Variants in CRIM1 observed in about 807,000 individuals in gnomAD.
CRIM1 encodes cysteine rich transmembrane BMP regulator 1, also known as cysteine-rich motor neuron 1 protein.
A neutral mutation model predicts 116.4 loss-of-function variants in CRIM1; 32 were observed. That is an observed-to-expected ratio of 0.27 (90% CI 0.21 to 0.37). The LOEUF is 0.37. Ranked by LOEUF, CRIM1 falls within the 10% of genes least tolerant of loss-of-function variation. The pLI is 1.00. For missense variants in CRIM1, 1,331 were observed against 1,354.8 expected (o/e 0.98, Z 0.28); for synonymous variants, 590 against 509.2 (o/e 1.16, Z -2.13).
At chr2:36,438,038 A>G (rs2124925510) in intron 2 of CRIM1, among the ~76,000 whole-genome samples, 2 of 152,086 alleles carry the variant, frequency 1.3e-5, no homozygotes, top group South Asian at 4.2e-4. Context: ...AGGCTGGGAC[A>G]GAAAAATTGC....
chr2:36,388,507 C>T (rs1278807106), intron 1 of CRIM1, among the ~76,000 whole-genome samples: 2 of 152,162 alleles, frequency 1.3e-5, no homozygotes, highest in Admixed American at 6.5e-5. Flanking sequence ...AAAGGGGCCT[C>T]ATGGATTATC....
At chr2:36,510,195 T>C (rs1664557291) in intron 9 of CRIM1, 56 bp downstream of exon 9, 6 of 1,526,508 alleles carry the variant, frequency 3.9e-6, no homozygotes, top group African/African-American at 1.4e-5. Context: ...GTGAAATGTT[T>C]CTACACATTT....
chr2:36,488,297 A>T (rs975473126), intron 7 of CRIM1, among the ~76,000 whole-genome samples: 1 of 152,180 alleles, frequency 6.6e-6, no homozygotes, highest in African/African-American at 2.4e-5. Flanking sequence ...CCATTAAAGA[A>T]CGCCTCTTGC....
At chr2:36,546,725 C>A (rs848603) in intron 15 of CRIM1, among the ~76,000 whole-genome samples, 54 of 149,244 alleles carry the variant, frequency 3.6e-4, no homozygotes, top group Admixed American at 6.0e-4. Context: ...TAGCTAGAGC[C>A]GGCATCATCT....
chr2:36,380,554 A>G (rs6758307), intron 1 of CRIM1, among the ~76,000 whole-genome samples: 2,261 of 152,302 alleles, frequency 0.015, 63 homozygotes, highest in African/African-American at 0.052. Context: ...CGCAGAGTCT[A>G]CAGAGTTAAA....
intron 2 of CRIM1, among the ~76,000 whole-genome samples, chr2:36,422,410 C>A (rs997381629): frequency 6.6e-6 from 1 of 152,100 alleles, no homozygotes; most frequent in Non-Finnish European, 1.5e-5. Context: ...TCTCCCCCTG[C>A]ATAATTGAAT....
chr2:36,512,297 C>A lies in CRIM1; in HGVS notation c.1683C>A (p.Ile561=). 1 of 1,613,640 alleles carries A rather than the reference C, an allele frequency of 6.2e-7. No homozygotes were observed. The highest frequency in any genetic ancestry group is 8.5e-7 in the Non-Finnish European group (1 of 1,179,522). Residue 561 remains isoleucine, a synonymous_variant, in exon 10 of 17, where the codon ATC becomes ATA. Coordinates refer to ENST00000280527, the MANE Select transcript of CRIM1 (RefSeq NM_016441.3). ...GGAAGAATAAGCACGGCTGTGACAT[C>A]TGTCGCTGTAAGAAATGTCCAGAGC... ...GLLKNKHGCD[I]CRCKKCPELS...
At chr2:36,451,798 G>A (rs955418996) in intron 4 of CRIM1, among the ~76,000 whole-genome samples, 3 of 152,194 alleles carry the variant, frequency 2.0e-5, no homozygotes, top group African/African-American at 7.2e-5. Flanking sequence ...ATATGTCAAA[G>A]CCAGAAACTT....
At chr2:36,495,856 T>C (rs1680549218) in intron 7 of CRIM1, among the ~76,000 whole-genome samples, 2 of 152,146 alleles carry the variant, frequency 1.3e-5, no homozygotes, top group African/African-American at 4.8e-5. Flanking sequence ...GTGAGATTTT[T>C]TTCTAGATAA....
At chr2:36,429,680 A>G (rs1004013486) in intron 2 of CRIM1, among the ~76,000 whole-genome samples, 16 of 152,234 alleles carry the variant, frequency 1.1e-4, no homozygotes, top group Non-Finnish European at 2.9e-5. Flanking sequence ...TATGGTATAA[A>G]GTAGTAGTTC....
chr2:36,451,997 A>C (rs1333196487), intron 4 of CRIM1, among the ~76,000 whole-genome samples: 1 of 152,178 alleles, frequency 6.6e-6, no homozygotes, highest in Admixed American at 6.5e-5. Context: ...AACCAGTTTT[A>C]ACTATCCCTG....
intron 4 of CRIM1, among the ~76,000 whole-genome samples, chr2:36,456,787 A>C (rs889278570): frequency 1.3e-5 from 2 of 148,438 alleles, no homozygotes; most frequent in African/African-American, 2.5e-5. Context: ...CCACCCCCCC[A>C]CCACCCACCG....
intron 2 of CRIM1, among the ~76,000 whole-genome samples, chr2:36,438,614 A>G (rs992600694): frequency 8.5e-5 from 13 of 152,192 alleles, no homozygotes; most frequent in African/African-American, 2.7e-4. Flanking sequence ...ACCCAAGCAC[A>G]TGTGGCGTAT....
chr2:36,386,397 A>C (rs541967704), intron 1 of CRIM1, among the ~76,000 whole-genome samples: 3 of 152,200 alleles, frequency 2.0e-5, no homozygotes, highest in Non-Finnish European at 4.4e-5. Flanking sequence ...TGCTTGATAC[A>C]GTATTGAGGT....
At chr2:36,498,850 T>C (rs1193387411) in intron 7 of CRIM1, among the ~76,000 whole-genome samples, 1 of 152,232 alleles carries the variant, frequency 6.6e-6, no homozygotes, top group Non-Finnish European at 1.5e-5. Flanking sequence ...TCCTGATTAT[T>C]ATAAAAAATA....
rs2148258802 is a variant in CRIM1, at chr2:36,356,493, C to T, written c.201C>T (p.Ala67=). 1 of 1,612,786 alleles carries T rather than the reference C, an allele frequency of 6.2e-7. No individual in the cohort carries two copies. The highest frequency in any genetic ancestry group is 1.6e-4 in the Middle Eastern group (1 of 6,062). The change falls in exon 1 of 17, where the codon GCC becomes GCT. Residue 67 remains alanine, a synonymous_variant. Transcript: ENST00000280527. This position sits in a 1 kb window ranked among gnomAD's most constrained non-coding sequence, Gnocchi z 4.3. ...QGVCGCCYTC[A]SQRNESCGGT... Reference sequence around the variant, plus strand: ...TCTGCGGCTGCTGCTACACGTGCGCCAGCCAGAGGAACGAGAGCTGCGGCG... The same window carrying T: ...TCTGCGGCTGCTGCTACACGTGCGCTAGCCAGAGGAACGAGAGCTGCGGCG...
At chr2:36,521,794 G>A (rs1355130957) in intron 12 of CRIM1, among the ~76,000 whole-genome samples, 2 of 152,212 alleles carry the variant, frequency 1.3e-5, no homozygotes, top group African/African-American at 4.8e-5. Context: ...TTACTTACAT[G>A]CATTGTAATC....
At chr2:36,365,180 C>T (rs762269437) in intron 1 of CRIM1, among the ~76,000 whole-genome samples, 2 of 152,116 alleles carry the variant, frequency 1.3e-5, no homozygotes, top group African/African-American at 2.4e-5. Context: ...CAGTTCCCAG[C>T]GCCTTTGGCA....
intron 14 of CRIM1, among the ~76,000 whole-genome samples, chr2:36,541,714 G>A (rs1269388351): frequency 1.3e-5 from 2 of 152,198 alleles, no homozygotes; most frequent in Non-Finnish European, 2.9e-5. Flanking sequence ...GCACAGGAGC[G>A]ATTGTGACCG....
Sources: allele counts gnomAD v4.1 joint callset (sites outside exome capture counted in the v4.1 genomes callset), GRCh38; gene constraint gnomAD v4.1.1; non-coding constraint Gnocchi (gnomAD v3.1); transcripts MANE v1.5; gene names NCBI Gene and HGNC (gene_info 2026-07-23, HGNC 2026-07-21).